POLR1D: variants seen among roughly 807,000 people sequenced by gnomAD.
POLR1D encodes the protein RNA polymerase I and III subunit D.
Under a neutral mutation model 10.8 loss-of-function variants are expected in POLR1D, and 8 were observed. The ratio of observed to expected loss-of-function variants is 0.74; its 90% CI spans 0.43 to 1.33. The LOEUF (loss-of-function observed/expected upper bound fraction) is 1.33. Among genes scored for constraint, POLR1D ranks in the 40% most tolerant of loss-of-function variants. The probability of loss-of-function intolerance (pLI) is 0.01; values close to 1 mark genes in which losing one functional copy is unlikely to be tolerated. For synonymous variants in POLR1D, 54 were observed against 57.2 expected (o/e 0.94, Z 0.25); for missense variants, 152 against 161.7 (o/e 0.94, Z 0.32).
upstream of POLR1D, chr13:27,620,838 G>C (rs1242208252): frequency 6.5e-6 from 1 of 152,792 alleles, no homozygotes; most frequent in Non-Finnish European, 1.5e-5. Flanking sequence ...AGGTGTCTGC[G>C]CGCACCCCCG....
chr13:27,629,101 G>C (rs1342527017), intron 1 of POLR1D, among the ~76,000 whole-genome samples: 1 of 152,210 alleles, frequency 6.6e-6, no homozygotes, highest in Non-Finnish European at 1.5e-5. Flanking sequence ...TAGGATTATA[G>C]GCGTGAGCCA....
chr13:27,652,918 T>C (rs1278011506), intron 2 of POLR1D, among the ~76,000 whole-genome samples: 1 of 135,976 alleles, frequency 7.4e-6, no homozygotes, highest in African/African-American at 2.9e-5. Flanking sequence ...TTTCTTTTTT[T>C]TTTTTTTTTT....
chr13:27,662,831 A>G (rs1486843768), intron 2 of POLR1D, among the ~76,000 whole-genome samples: 1 of 152,162 alleles, frequency 6.6e-6, no homozygotes, highest in Non-Finnish European at 1.5e-5. Flanking sequence ...AGTACTTTAC[A>G]TGTTCTAATT....
intron 1 of POLR1D, among the ~76,000 whole-genome samples, chr13:27,632,730 A>G (rs1321835462): frequency 7.0e-6 from 1 of 142,436 alleles, no homozygotes; most frequent in Non-Finnish European, 1.5e-5. Flanking sequence ...TTTTTATTAT[A>G]TTCATTATAT....
chr13:27,666,372 C>G (rs1956419272), exon 3 of POLR1D: 1 of 167,186 alleles, frequency 6.0e-6, no homozygotes, highest in Admixed American at 5.7e-5. Flanking sequence ...TAGAAATCAT[C>G]AGTCCAGTGA....
exon 3 of POLR1D, chr13:27,666,000 G>A (rs754522425): frequency 1.4e-5 from 22 of 1,556,178 alleles, no homozygotes; most frequent in South Asian, 1.2e-4. Context: ...GTGCTCCTTC[G>A]GGGTGCGGTG....
chr13:27,652,047 G>C (rs1956271423), intron 2 of POLR1D, among the ~76,000 whole-genome samples: 1 of 152,178 alleles, frequency 6.6e-6, no homozygotes. Flanking sequence ...AGGGTGCTTT[G>C]GTTTCGGATA....
At chr13:27,648,628 T>C (rs1956241406) in intron 2 of POLR1D, among the ~76,000 whole-genome samples, 1 of 152,226 alleles carries the variant, frequency 6.6e-6, no homozygotes, top group Admixed American at 6.5e-5. Flanking sequence ...GAAACTCTAA[T>C]AACATGAAGA....
At chr13:27,662,921 C>A (rs887520318) in intron 2 of POLR1D, among the ~76,000 whole-genome samples, 1 of 152,170 alleles carries the variant, frequency 6.6e-6, no homozygotes, top group African/African-American at 2.4e-5. Flanking sequence ...AGGGAGATTA[C>A]ATAACATGCC....
chr13:27,664,517 T>C (rs1302367969), intron 2 of POLR1D: 1 of 152,266 alleles, frequency 6.6e-6, no homozygotes, highest in African/African-American at 2.4e-5. Context: ...TTCTCAGATA[T>C]TTTCTCTGTC....
At chr13:27,665,584 C>T in intron 2 of POLR1D, 1 of 1,068,298 alleles carries the variant, frequency 9.4e-7, no homozygotes, top group Non-Finnish European at 1.5e-6. Context: ...AAACTCGATT[C>T]TGTGGGAGCA....
At chr13:27,643,609 A>AT (rs577413952) in intron 1 of POLR1D, among the ~76,000 whole-genome samples, 13 of 152,072 alleles carry the variant, frequency 8.5e-5, no homozygotes, top group Non-Finnish European at 1.8e-4. Flanking sequence ...ATCTGTCTAT[A>AT]TTTTTTTAAT....
chr13:27,651,097 C>T (rs750378703), intron 2 of POLR1D: 3 of 152,192 alleles, frequency 2.0e-5, no homozygotes, highest in Non-Finnish European at 2.9e-5. Flanking sequence ...GAGCAAACCA[C>T]CACCTCTGGG....
exon 3 of POLR1D, chr13:27,666,115 C>T: frequency 1.6e-6 from 1 of 636,648 alleles, no homozygotes; most frequent in Admixed American, 2.9e-5. Flanking sequence ...AAAAAAATGA[C>T]CTAGCAACTC....
At chr13:27,643,484 A>T (rs1470779167) in intron 1 of POLR1D, among the ~76,000 whole-genome samples, 1 of 152,218 alleles carries the variant, frequency 6.6e-6, no homozygotes, top group Non-Finnish European at 1.5e-5. Flanking sequence ...AGTCATAAAG[A>T]ACCCAAACTT....
chr13:27,645,528 T>C (rs1956211656), intron 1 of POLR1D, among the ~76,000 whole-genome samples: 1 of 152,188 alleles, frequency 6.6e-6, no homozygotes, highest in South Asian at 2.1e-4. Context: ...GTTATCATGG[T>C]TATATAGAAT....
intron 1 of POLR1D, among the ~76,000 whole-genome samples, chr13:27,641,249 A>G (rs554636034): frequency 1.3e-5 from 2 of 152,352 alleles, no homozygotes; most frequent in South Asian, 4.1e-4. Context: ...TTTGCTTGAC[A>G]GCAATTGGGC....
chr13:27,658,086 T>G (rs1956325809), intron 2 of POLR1D, among the ~76,000 whole-genome samples: 1 of 152,190 alleles, frequency 6.6e-6, no homozygotes, highest in African/African-American at 2.4e-5. Context: ...GTTCTCAAAT[T>G]TATCTGCACA....
At chr13:27,641,412 G>T (rs1211923982) in intron 1 of POLR1D, among the ~76,000 whole-genome samples, 3 of 152,070 alleles carry the variant, frequency 2.0e-5, no homozygotes, top group African/African-American at 7.2e-5. Context: ...AATATAATTA[G>T]GGACTTTATT....
Sources: gnomAD v4.1 joint callset for allele counts (sites outside exome capture counted in the v4.1 genomes callset) on GRCh38, gnomAD v4.1.1 for gene constraint, MANE v1.5 for transcripts, NCBI Gene and HGNC (gene_info 2026-07-23, HGNC 2026-07-21) for gene names.